ADGRL2: variants seen among roughly 807,000 people sequenced by gnomAD.
ADGRL2 encodes the protein adhesion G protein-coupled receptor L2.
Under a neutral mutation model 157.4 loss-of-function variants are expected in ADGRL2, and 44 were observed. The ratio of observed to expected loss-of-function variants is 0.28; its 90% CI spans 0.22 to 0.36. The LOEUF is 0.36. Ranked by LOEUF, ADGRL2 falls within the 10% of genes least tolerant of loss-of-function variation. ADGRL2 has a pLI of 1.00. For synonymous variants in ADGRL2, 585 were observed against 624.7 expected, an observed-to-expected ratio of 0.94 and a Z score of 0.95; for missense variants, 1,510 against 1,768.9, an observed-to-expected ratio of 0.85 and a Z score of 2.63.
rs182841784 is a variant in ADGRL2, at chr1:81,355,301, G to A, written c.-302+48792G>A. On this transcript the variant is annotated intron_variant, in intron 1 of 24. Coordinates refer to the ADGRL2 transcript ENST00000370721. ...TTGAACTTAGGAGATGGAGGCTGCCGTGAGCCGAGATTGCACCACTGCACT... is the reference window on the plus strand; with the variant it reads ...TTGAACTTAGGAGATGGAGGCTGCCATGAGCCGAGATTGCACCACTGCACT... 5.3e-5 allele frequency among the ~76,000 whole-genome samples: 8 copies of A among 152,188 alleles called. 1 individual carries two copies. The highest frequency in any genetic ancestry group is 1.3e-4 in the Admixed American group (2 of 15,282).
chr1:81,589,884 A>G (rs912880795), intron 3 of ADGRL2, among the ~76,000 whole-genome samples: 2 of 152,162 alleles, frequency 1.3e-5, no homozygotes, highest in African/African-American at 4.8e-5. Context: ...AAGGACTAGA[A>G]AAATGATCAT....
intron 3 of ADGRL2, among the ~76,000 whole-genome samples, chr1:81,931,052 G>GGCAGGA (rs1389865617): frequency 2.6e-5 from 4 of 152,210 alleles, no homozygotes; most frequent in Non-Finnish European, 5.9e-5. Context: ...AGGAGGCTGA[G>GGCAGGA]GCAGGAGAAT....
chr1:81,557,482 G>GAAGAAAGAAAGAAGA (rs2080324126), intron 2 of ADGRL2: 1 of 119,968 alleles, frequency 8.3e-6, no homozygotes, highest in Non-Finnish European at 1.7e-5. Context: ...AAGAAAGAAA[G>GAAGAAAGAAAGAAGA]AAGAAAGAAA....
intron 3 of ADGRL2, among the ~76,000 whole-genome samples, chr1:81,616,664 C>A (rs112941459): frequency 5.4e-5 from 6 of 110,472 alleles, no homozygotes; most frequent in African/African-American, 1.5e-4. Flanking sequence ...TTTTTCTTTT[C>A]TTTTCTTTTC....
intron 3 of ADGRL2, among the ~76,000 whole-genome samples, chr1:81,620,113 C>T (rs1022681964): frequency 4.6e-5 from 7 of 152,034 alleles, no homozygotes; most frequent in African/African-American, 1.2e-4. Flanking sequence ...AGACGAGGGC[C>T]GGGTTCTGAG....
Position 81,979,898 on chromosome 1 carries a change from G to C in ADGRL2, c.3051G>C (p.Leu1017Phe), listed in dbSNP as rs1661186804. ...LLNIIFLVIT[L>F]CKMVKHSNTL... Reference sequence around the variant, plus strand: ...ATATTATCTTCTTGGTGATCACATTGTGCAAAATGGTGAAGCATTCAAACA... The same window carrying C: ...ATATTATCTTCTTGGTGATCACATTCTGCAAAATGGTGAAGCATTCAAACA... Residue 1017 changes from leucine (L) to phenylalanine (F), a missense_variant, in exon 18 of 24, where the codon TTG (leucine) becomes TTC (phenylalanine). Transcript: ENST00000686636. 36 of 1,606,644 alleles carry C rather than the reference G, an allele frequency of 2.2e-5. No homozygotes were observed. Among genetic ancestry groups the C allele is most frequent in the Non-Finnish European group, 2.9e-5 (34 of 1,174,448 alleles).
At chr1:81,697,822 A>C (rs2149017764), upstream of ADGRL2, among the ~76,000 whole-genome samples, 1 of 152,330 alleles carries the variant, frequency 6.6e-6, no homozygotes, top group Non-Finnish European at 1.5e-5. Flanking sequence ...TAAGAATAAT[A>C]ATGATGCCAG....
intron 3 of ADGRL2, among the ~76,000 whole-genome samples, chr1:81,586,769 C>G (rs1325188442): frequency 6.6e-6 from 1 of 152,014 alleles, no homozygotes; most frequent in African/African-American, 2.4e-5. Flanking sequence ...ATTTACTTGT[C>G]AAGCAATTTT....
intron 1 of ADGRL2, among the ~76,000 whole-genome samples, chr1:81,392,541 C>A (rs759077457): frequency 3.3e-5 from 5 of 152,078 alleles, no homozygotes; most frequent in Non-Finnish European, 7.4e-5. Context: ...TCTAATCCTA[C>A]ATCCTAAAAT....
At chr1:81,636,605 C>T (rs1218046098) in intron 3 of ADGRL2, among the ~76,000 whole-genome samples, 1 of 152,030 alleles carries the variant, frequency 6.6e-6, no homozygotes, top group Non-Finnish European at 1.5e-5. Context: ...AAAGCCATTA[C>T]CCATACGTCC....
intron 3 of ADGRL2, among the ~76,000 whole-genome samples, chr1:81,676,977 A>G (rs564464126): frequency 1.4e-4 from 20 of 143,550 alleles, no homozygotes; most frequent in African/African-American, 5.2e-4. Context: ...TGCCTGGCCA[A>G]CTCATTGGAT....
chr1:81,545,881 A>G (rs961823042), intron 2 of ADGRL2, among the ~76,000 whole-genome samples: 6 of 152,090 alleles, frequency 3.9e-5, no homozygotes, highest in Non-Finnish European at 8.8e-5. Flanking sequence ...AACAAGAGCC[A>G]TGGGGCACAC....
chr1:81,477,758 A>G (rs1034886788), intron 2 of ADGRL2, among the ~76,000 whole-genome samples: 1 of 152,236 alleles, frequency 6.6e-6, no homozygotes, highest in African/African-American at 2.4e-5. Flanking sequence ...AAACTTTGGT[A>G]ACGAAAAGCT....
At position 81,968,132 on chromosome 1, in the gene ADGRL2, C is replaced by T; in HGVS notation, c.2456C>T (p.Thr819Ile). ...QGCKLVDTNKTRTTCACSHLT... is the reference protein window; with the variant it reads ...QGCKLVDTNKIRTTCACSHLT... ...TGCAAGCTGGTTGACACTAATAAAACTCGAACAACGTGTGCATGCAGCCAC... is the reference window on the plus strand; with the variant it reads ...TGCAAGCTGGTTGACACTAATAAAATTCGAACAACGTGTGCATGCAGCCAC... Residue 819 changes from threonine (T) to isoleucine (I), a missense_variant, in exon 14 of 24, where the codon ACT (threonine) becomes ATT (isoleucine). Physicochemically the swap from Thr to Ile is moderately conservative, Grantham distance 89. Around this residue, in one of 4 missense-constraint regions of ADGRL2, gnomAD observed 497 missense variants for 627.2 expected, o/e 0.79. Coordinates refer to ENST00000686636, the MANE Select transcript of ADGRL2 (RefSeq NM_001366006.2). 6.2e-7 allele frequency: 1 copy of T among 1,612,624 alleles called. No individual in the cohort carries two copies. Among genetic ancestry groups the T allele is most frequent in the Non-Finnish European group, 8.5e-7 (1 of 1,179,648 alleles).
At chr1:81,940,522 T>C (rs192848465) in intron 4 of ADGRL2, among the ~76,000 whole-genome samples, 163 of 151,732 alleles carry the variant, frequency 1.1e-3, no homozygotes, top group Non-Finnish European at 1.8e-3. Context: ...ATAGACCAAG[T>C]TGATTGGGGA....
rs149990511 is a variant in ADGRL2, at chr1:81,423,382, C to T, written c.-301-21654C>T. On this transcript the variant is annotated intron_variant, in intron 1 of 24. Coordinates refer to the ADGRL2 transcript ENST00000370721. ...GGCATGCCCAGGACACTTTCTAGAA[C>T]ACAGATGCAGGACCTATACCTACTA... Among the ~76,000 whole-genome samples the T allele has an allele frequency of 1.7e-3, 252 of 152,262 alleles. 1 individual carries two copies. The highest frequency in any genetic ancestry group is 2.4e-3 in the Non-Finnish European group (164 of 68,020).
At chr1:81,432,374 T>A (rs141062723) in intron 1 of ADGRL2, among the ~76,000 whole-genome samples, 17 of 152,250 alleles carry the variant, frequency 1.1e-4, no homozygotes, top group African/African-American at 3.9e-4. Flanking sequence ...CTTCTTGGAG[T>A]TGGATGTTGT....
In ADGRL2 at chr1:81,959,927, AG is replaced by A. The variant is rs201914940; in HGVS notation, c.2017+3868del. On this transcript the variant is annotated intron_variant, in intron 11 of 23. Coordinates refer to ENST00000686636, the MANE Select transcript of ADGRL2 (RefSeq NM_001366006.2). ...GTGATTCTCCTGCTTCAGCCTCCCG[AG>A]TAACTGGGATTACATGTGCTCACCA... is the stretch of plus-strand genomic sequence containing the variant. Among the ~76,000 whole-genome samples, 579 of 151,902 alleles carry A rather than the reference AG, an allele frequency of 3.8e-3. 4 individuals are homozygous for A. The highest frequency in any genetic ancestry group is 0.013 in the African/African-American group (522 of 41,410).
At chr1:81,741,271 A>C (rs573050058) in intron 1 of ADGRL2, among the ~76,000 whole-genome samples, 2 of 152,204 alleles carry the variant, frequency 1.3e-5, no homozygotes, top group South Asian at 2.1e-4. Flanking sequence ...GAACTTAAAA[A>C]ATAATTTTAT....
Sources: allele counts gnomAD v4.1 joint callset (sites outside exome capture counted in the v4.1 genomes callset), GRCh38; gene constraint gnomAD v4.1.1; regional missense constraint gnomAD v4.1.1; transcripts MANE v1.5; gene names NCBI Gene and HGNC (gene_info 2026-07-23, HGNC 2026-07-21).